The following SRRM4 variants were observed in gnomAD, a reference collection of about 807,000 sequenced individuals.
SRRM4 encodes the protein serine/arginine repetitive matrix protein 4.
In SRRM4, 33 loss-of-function variants were observed where a neutral mutation model predicts 68.9. That is an observed-to-expected ratio of 0.48 (90% CI 0.36 to 0.64). SRRM4 has a LOEUF of 0.64. Ranked by LOEUF, SRRM4 falls within the 30% of genes least tolerant of loss-of-function variation. The probability of loss-of-function intolerance (pLI) is 0.00; values close to 1 mark genes in which losing one functional copy is unlikely to be tolerated. For synonymous variants in SRRM4, 318 were observed against 318.8 expected (o/e 1.00, Z 0.03); for missense variants, 817 against 827.1 (o/e 0.99, Z 0.15).
chr12:119,149,561 G>A (rs73213433), intron 9 of SRRM4, among the ~76,000 whole-genome samples: 18,678 of 152,102 alleles, frequency 0.12, 1,371 homozygotes, highest in Middle Eastern at 0.19. Context: ...ACTGGAGGTC[G>A]CCCAACCCAG....
At chr12:118,985,787 C>G (rs894619481) in intron 1 of SRRM4, among the ~76,000 whole-genome samples, 3 of 152,220 alleles carry the variant, frequency 2.0e-5, no homozygotes, top group Non-Finnish European at 4.4e-5. Context: ...GTGCTTAAGG[C>G]TAGATCAAGC....
intron 1 of SRRM4, among the ~76,000 whole-genome samples, chr12:119,076,541 TCTTTGAA>T (rs1471180522): frequency 6.6e-6 from 1 of 152,228 alleles, no homozygotes; most frequent in African/African-American, 2.4e-5. Context: ...GCGAATTAAG[TCTTTGAA>T]CTTCTCATAT....
intron 10 of SRRM4, 141 bp from the exon 11 acceptor site, chr12:119,153,398 G>A: frequency 1.7e-6 from 1 of 605,846 alleles, no homozygotes; most frequent in Non-Finnish European, 3.0e-6. Context: ...TTCATTCTTT[G>A]ATCGGGGCCC....
chr12:119,113,697 A>G (rs1480406169), intron 2 of SRRM4, among the ~76,000 whole-genome samples: 1 of 152,198 alleles, frequency 6.6e-6, no homozygotes, highest in Non-Finnish European at 1.5e-5. Context: ...ATAAAAGAAG[A>G]TAACTTGACT....
intron 8 of SRRM4, among the ~76,000 whole-genome samples, chr12:119,141,871 AT>A (rs768250288): frequency 6.6e-6 from 1 of 152,210 alleles, no homozygotes; most frequent in African/African-American, 2.4e-5. Flanking sequence ...TGAATTCAAG[AT>A]TCAGTGAATG....
intron 8 of SRRM4, among the ~76,000 whole-genome samples, chr12:119,138,600 G>A (rs1295489577): frequency 6.6e-6 from 1 of 152,170 alleles, no homozygotes; most frequent in African/African-American, 2.4e-5. Context: ...CTGGTTCCCA[G>A]GGTGTCCTCA....
At chr12:119,022,544 TA>T (rs1953522877) in intron 1 of SRRM4, among the ~76,000 whole-genome samples, 1 of 152,236 alleles carries the variant, frequency 6.6e-6, no homozygotes, top group Non-Finnish European at 1.5e-5. Context: ...GTTGACTGTC[TA>T]CCTGATGTGA....
intron 1 of SRRM4, among the ~76,000 whole-genome samples, chr12:118,982,679 GTT>G (rs370087102): frequency 9.8e-6 from 1 of 102,140 alleles, no homozygotes; most frequent in East Asian, 2.4e-4. Context: ...GTTTTTTTTT[GTT>G]TTTTTTTTTT....
chr12:119,077,259 TG>T (rs959322599), intron 1 of SRRM4, among the ~76,000 whole-genome samples: 9 of 152,204 alleles, frequency 5.9e-5, no homozygotes, highest in African/African-American at 2.2e-4. Context: ...TCCTGTGCCT[TG>T]CCTTCAAATC....
chr12:119,051,075 T>G (rs147560219), intron 1 of SRRM4, among the ~76,000 whole-genome samples: 1 of 152,088 alleles, frequency 6.6e-6, no homozygotes, highest in African/African-American at 2.4e-5. Context: ...TTGGAGGTGT[T>G]TTTGGTTGTC....
chr12:118,986,503 A>C (rs941707521), intron 1 of SRRM4, among the ~76,000 whole-genome samples: 1 of 152,112 alleles, frequency 6.6e-6, no homozygotes, highest in Non-Finnish European at 1.5e-5. Context: ...AATTAGATGA[A>C]TGTGCATGGT....
chr12:119,077,476 A>C (rs756375876), intron 1 of SRRM4, among the ~76,000 whole-genome samples: 3 of 152,162 alleles, frequency 2.0e-5, no homozygotes, highest in Non-Finnish European at 4.4e-5. Context: ...TAAGGTGGGA[A>C]ATTAATGGTA....
At chr12:119,115,938 T>G (rs1954177101) in intron 3 of SRRM4, among the ~76,000 whole-genome samples, 1 of 151,704 alleles carries the variant, frequency 6.6e-6, no homozygotes, top group Admixed American at 6.6e-5. Context: ...AAATGTGGAG[T>G]TTTGGAGGCT....
chr12:119,038,244 G>C (rs370736994), intron 1 of SRRM4, among the ~76,000 whole-genome samples: 16 of 145,222 alleles, frequency 1.1e-4, no homozygotes, highest in Middle Eastern at 7.7e-3. Flanking sequence ...TCTCTCTGTC[G>C]CCCAGGCTGG....
chr12:118,999,568 T>G (rs1376853789), intron 1 of SRRM4, among the ~76,000 whole-genome samples: 1 of 152,246 alleles, frequency 6.6e-6, no homozygotes, highest in Non-Finnish European at 1.5e-5. Flanking sequence ...TTTTTCCATT[T>G]CATAAATGAA....
chr12:119,136,111 T>C (rs565223398), intron 8 of SRRM4, among the ~76,000 whole-genome samples: 1 of 152,324 alleles, frequency 6.6e-6, no homozygotes, highest in Admixed American at 6.5e-5. Context: ...GCAGCTTTAC[T>C]AAACTTATCC....
intron 1 of SRRM4, among the ~76,000 whole-genome samples, chr12:119,040,935 T>A (rs1594039563): frequency 6.6e-6 from 1 of 150,500 alleles, no homozygotes. Context: ...TTTTTTTTTT[T>A]AAGTAAAGGT....
At chr12:119,037,727 G>C (rs1426832290) in intron 1 of SRRM4, among the ~76,000 whole-genome samples, 2 of 152,200 alleles carry the variant, frequency 1.3e-5, no homozygotes, top group African/African-American at 4.8e-5. Flanking sequence ...TCGCCGAAGA[G>C]AAGGGGAAGG....
intron 12 of SRRM4, among the ~76,000 whole-genome samples, chr12:119,155,982 G>A (rs1004235982): frequency 3.9e-5 from 6 of 152,120 alleles, no homozygotes; most frequent in African/African-American, 1.2e-4. Flanking sequence ...AACCCATTCA[G>A]TGTTTCCCAA....
Sources: gnomAD v4.1 joint callset for allele counts (sites outside exome capture counted in the v4.1 genomes callset) on GRCh38, gnomAD v4.1.1 for gene constraint, MANE v1.5 for transcripts, NCBI Gene and HGNC (gene_info 2026-07-23, HGNC 2026-07-21) for gene names.